The following ERBB4 variants were observed in gnomAD, a reference collection of about 807,000 sequenced individuals.
ERBB4 encodes receptor tyrosine-protein kinase erbB-4.
Under a neutral mutation model 158.0 loss-of-function variants are expected in ERBB4, and 42 were observed. The observed-to-expected ratio is 0.27, with a 90% CI of 0.21 to 0.34. The LOEUF (loss-of-function observed/expected upper bound fraction) is 0.34, where lower values mean the gene tolerates loss of function less well. Ranked by LOEUF, ERBB4 falls within the 10% of genes least tolerant of loss-of-function variation. The probability of loss-of-function intolerance (pLI) is 1.00; values close to 1 mark genes in which losing one functional copy is unlikely to be tolerated. For synonymous variants in ERBB4, 583 were observed against 558.7 expected (o/e 1.04, Z -0.61); for missense variants, 1,333 against 1,624.1 (o/e 0.82, Z 3.08).
At chr2:212,461,065 C>T (rs943182077) in intron 1 of ERBB4, among the ~76,000 whole-genome samples, 1 of 152,126 alleles carries the variant, frequency 6.6e-6, no homozygotes, top group Non-Finnish European at 1.5e-5. Flanking sequence ...AAGTTTGCTG[C>T]AGGGGAAGGG....
intron 3 of ERBB4, among the ~76,000 whole-genome samples, chr2:211,883,243 A>C (rs2078709834): frequency 6.6e-6 from 1 of 152,182 alleles, no homozygotes; most frequent in Non-Finnish European, 1.5e-5. Flanking sequence ...TGGGAACTGA[A>C]CAATGAGAAC....
chr2:212,225,388 G>A (rs2083438716), intron 1 of ERBB4, among the ~76,000 whole-genome samples: 1 of 152,026 alleles, frequency 6.6e-6, no homozygotes, highest in Non-Finnish European at 1.5e-5. Context: ...CCATTTACAT[G>A]AGGCTGGAAT....
intron 2 of ERBB4, among the ~76,000 whole-genome samples, chr2:212,056,671 C>A (rs559508813): frequency 2.9e-4 from 44 of 152,116 alleles, no homozygotes; most frequent in Non-Finnish European, 4.9e-4. Flanking sequence ...TCATATCCAG[C>A]CAAACTGAGC....
chr2:211,602,412 A>T (rs1006790404), intron 19 of ERBB4, among the ~76,000 whole-genome samples: 1 of 151,868 alleles, frequency 6.6e-6, no homozygotes. Context: ...CCACTCCCCC[A>T]CAGCAGCAGC....
intron 20 of ERBB4, among the ~76,000 whole-genome samples, chr2:211,465,065 T>C (rs1241028409): frequency 6.6e-6 from 1 of 151,784 alleles, no homozygotes; most frequent in Non-Finnish European, 1.5e-5. Flanking sequence ...TACTGCAACC[T>C]TGAACTTCTG....
intron 1 of ERBB4, among the ~76,000 whole-genome samples, chr2:212,233,189 T>C (rs996549797): frequency 6.6e-6 from 1 of 152,174 alleles, no homozygotes; most frequent in Non-Finnish European, 1.5e-5. Context: ...TTTACACCTG[T>C]AGAATGTACT....
chr2:211,413,353 TAAAA>T (rs529107649), intron 25 of ERBB4, among the ~76,000 whole-genome samples: 1 of 85,910 alleles, frequency 1.2e-5, no homozygotes, highest in Admixed American at 1.1e-4. Context: ...CACACATTGA[TAAAA>T]AAAAAAATAA....
At chr2:211,622,921 C>T (rs1173777633) in intron 18 of ERBB4, among the ~76,000 whole-genome samples, 1 of 127,588 alleles carries the variant, frequency 7.8e-6, no homozygotes, top group African/African-American at 3.0e-5. Context: ...GGAGATCACA[C>T]CATTGCACTA....
At chr2:211,750,953 ATTTGTGAAT>A in intron 4 of ERBB4, among the ~76,000 whole-genome samples, 1 of 152,326 alleles carries the variant, frequency 6.6e-6, no homozygotes, top group Non-Finnish European at 1.5e-5. Flanking sequence ...AAATAAATGA[ATTTGTGAAT>A]TTTCTCAGGA....
chr2:211,500,470 T>A (rs1351150448), intron 20 of ERBB4, among the ~76,000 whole-genome samples: 1 of 152,110 alleles, frequency 6.6e-6, no homozygotes, highest in Admixed American at 6.5e-5. Flanking sequence ...CATGTATTAA[T>A]AGGTTTGATT....
At chr2:211,522,072 G>A (rs563977352) in intron 20 of ERBB4, among the ~76,000 whole-genome samples, 1 of 152,238 alleles carries the variant, frequency 6.6e-6, no homozygotes, top group Admixed American at 6.5e-5. Flanking sequence ...TGACTTTCAA[G>A]TCTTATTATT....
At chr2:212,419,536 T>C (rs970268891) in intron 1 of ERBB4, among the ~76,000 whole-genome samples, 1 of 151,920 alleles carries the variant, frequency 6.6e-6, no homozygotes, top group Admixed American at 6.6e-5. Context: ...TGTGTTTGTA[T>C]ACATATACAT....
chr2:212,251,099 G>A (rs1034125270), intron 1 of ERBB4, among the ~76,000 whole-genome samples: 8 of 151,924 alleles, frequency 5.3e-5, no homozygotes. Flanking sequence ...TTTCTGAGTT[G>A]AAAACTTGTT....
chr2:211,947,637 G>T (rs2080739674), intron 2 of ERBB4, 21 bp from the exon 3 acceptor site: 1 of 1,608,330 alleles, frequency 6.2e-7, no homozygotes, highest in African/African-American at 1.3e-5. Context: ...ACAAACAGTT[G>T]CCTGTGTTAT....
In ERBB4 at chr2:211,422,071, A is replaced by C. The variant is rs1157390905; in HGVS notation, c.2900T>G (p.Phe967Cys). ...TGAAAACTCAGCAGCCAGTTCCTTA[A>C]ATTTAGGTCTACTGTCAGCATCAAT... ...WMIDADSRPK[F>C]KELAAEFSRM... The change falls in exon 24 of 28, where the codon TTT becomes TGT. Residue 967 changes from phenylalanine to cysteine, a missense_variant. Physicochemically the swap from Phe to Cys is radical, Grantham distance 205 (BLOSUM62 -2). Coordinates refer to ENST00000342788, the MANE Select transcript of ERBB4 (RefSeq NM_005235.3). The C allele has an allele frequency of 5.6e-6, 9 of 1,612,162 alleles. No individual in the cohort carries two copies. In the South Asian group the frequency reaches 7.7e-5, roughly 14 times the overall value.
intron 1 of ERBB4, among the ~76,000 whole-genome samples, chr2:212,224,905 TATAAA>T (rs1461136545): frequency 9.9e-5 from 15 of 152,172 alleles, no homozygotes; most frequent in African/African-American, 3.6e-4. Context: ...TTTATGAAAA[TATAAA>T]ATAAAATTTT....
At chr2:212,404,721 T>A (rs1212665153) in intron 1 of ERBB4, among the ~76,000 whole-genome samples, 2 of 151,814 alleles carry the variant, frequency 1.3e-5, no homozygotes. Flanking sequence ...GTCACAGAGG[T>A]TTGCAGTACA....
chr2:212,360,447 T>C (rs2089642720), intron 1 of ERBB4, among the ~76,000 whole-genome samples: 1 of 151,678 alleles, frequency 6.6e-6, no homozygotes. Flanking sequence ...AAGTCTCATA[T>C]CTGAATTCAA....
chr2:211,608,399 A>G (rs1390195792), intron 19 of ERBB4, among the ~76,000 whole-genome samples: 1 of 152,146 alleles, frequency 6.6e-6, no homozygotes, highest in Non-Finnish European at 1.5e-5. Flanking sequence ...AGTTGACTTT[A>G]GAGCTAGGGA....
Sources: gnomAD v4.1 joint callset for allele counts (sites outside exome capture counted in the v4.1 genomes callset) on GRCh38, gnomAD v4.1.1 for gene constraint, MANE v1.5 for transcripts, NCBI Gene and HGNC (gene_info 2026-07-23, HGNC 2026-07-21) for gene names.